MTUS2: variants seen among roughly 807,000 people sequenced by gnomAD.
MTUS2 encodes microtubule associated scaffold protein 2, also known as microtubule-associated tumor suppressor candidate 2.
MTUS2 carries 40 observed loss-of-function variants against 114.1 expected under a neutral mutation model. That is an observed-to-expected ratio of 0.35 (90% CI 0.27 to 0.46). The LOEUF is 0.46. MTUS2 is among the 20% of genes least tolerant of loss of function. The pLI, the probability that MTUS2 is intolerant of heterozygous loss-of-function variation, is 1.00. For synonymous variants in MTUS2, 688 were observed against 672.0 expected, an observed-to-expected ratio of 1.02 and a Z score of -0.37; for missense variants, 1,679 against 1,705.4, an observed-to-expected ratio of 0.98 and a Z score of 0.27.
intron 5 of MTUS2, among the ~76,000 whole-genome samples, chr13:29,204,117 G>A (rs1423970023): frequency 1.3e-5 from 2 of 151,940 alleles, no homozygotes; most frequent in African/African-American, 2.4e-5. Context: ...CCGCCACCAC[G>A]CCTGGCTACT....
intron 2 of MTUS2, among the ~76,000 whole-genome samples, chr13:28,913,043 T>C (rs1468074533): frequency 6.6e-6 from 1 of 152,172 alleles, no homozygotes; most frequent in Non-Finnish European, 1.5e-5. Context: ...AGATATAGGA[T>C]GATGTCATTT....
At chr13:29,158,358 C>CCCCCTTTTT in intron 5 of MTUS2, among the ~76,000 whole-genome samples, 3 of 32,050 alleles carry the variant, frequency 9.4e-5, no homozygotes, top group African/African-American at 4.1e-4. Flanking sequence ...GTCCACCCCG[C>CCCCCTTTTT]TTTTTTTTTT....
chr13:29,088,010 G>C (rs1452126471), intron 4 of MTUS2, among the ~76,000 whole-genome samples: 1 of 147,534 alleles, frequency 6.8e-6, no homozygotes, highest in Non-Finnish European at 1.5e-5. Context: ...AGTGGGCTGA[G>C]ATCATGCCAC....
In MTUS2 at chr13:29,134,747, G is replaced by A. The variant is rs577147039; in HGVS notation, c.2644+33777G>A. Among the ~76,000 whole-genome samples the A allele has an allele frequency of 3.3e-5, 5 of 152,196 alleles. No homozygotes were observed. In the South Asian group the frequency reaches 1.0e-3, roughly 32 times the overall value. ...CGAGTAGCTGGGATTACAGGCATCC[G>A]CCACACACCTGGCTAATTTTTGTAT... On this transcript the variant is annotated intron_variant, in intron 5 of 15. Transcript: ENST00000612955.
At chr13:29,376,784 G>C (rs1019209060) in intron 8 of MTUS2, among the ~76,000 whole-genome samples, 2 of 152,066 alleles carry the variant, frequency 1.3e-5, no homozygotes, top group Non-Finnish European at 1.5e-5. Flanking sequence ...GGTTGCCAAC[G>C]TTATCTAAAC....
intron 8 of MTUS2, among the ~76,000 whole-genome samples, chr13:29,407,396 A>G (rs1338510655): frequency 6.6e-6 from 1 of 152,116 alleles, no homozygotes; most frequent in Non-Finnish European, 1.5e-5. Flanking sequence ...CAAAGTGTGC[A>G]TATAGCTTCC....
intron 2 of MTUS2, among the ~76,000 whole-genome samples, chr13:28,888,525 G>A (rs893129535): frequency 9.9e-5 from 15 of 151,412 alleles, no homozygotes; most frequent in African/African-American, 3.2e-4. Context: ...GGGTTCAAGC[G>A]ATTCTCCTGC....
intron 9 of MTUS2, among the ~76,000 whole-genome samples, chr13:29,444,929 AG>A (rs1479629646): frequency 6.6e-6 from 1 of 152,190 alleles, no homozygotes; most frequent in Non-Finnish European, 1.5e-5. Context: ...TGGGGGACTC[AG>A]TCTTCTCAAG....
intron 2 of MTUS2, among the ~76,000 whole-genome samples, chr13:28,840,683 A>G (rs1875413847): frequency 6.6e-6 from 1 of 152,210 alleles, no homozygotes; most frequent in Non-Finnish European, 1.5e-5. Flanking sequence ...AACCTGAGCA[A>G]CTGGGAAGTT....
chr13:28,988,093 A>G (rs543496964), intron 2 of MTUS2, among the ~76,000 whole-genome samples: 5 of 152,244 alleles, frequency 3.3e-5, no homozygotes, highest in East Asian at 1.9e-4. Context: ...TTTACAGCCA[A>G]TGTTGAAAAG....
chr13:29,307,182 G>A, intron 6 of MTUS2: 1 of 519,284 alleles, frequency 1.9e-6, no homozygotes, highest in Non-Finnish European at 3.6e-6. Flanking sequence ...TGATGGGCGT[G>A]ACCCATGAGA....
chr13:29,094,041 A>G (rs1890074794), intron 4 of MTUS2, among the ~76,000 whole-genome samples: 2 of 152,168 alleles, frequency 1.3e-5, no homozygotes, highest in Non-Finnish European at 2.9e-5. Context: ...CCGATCTTGC[A>G]TTCCTAGCAT....
intron 2 of MTUS2, among the ~76,000 whole-genome samples, chr13:29,015,329 C>G (rs1436847838): frequency 6.6e-6 from 1 of 152,050 alleles, no homozygotes; most frequent in African/African-American, 2.4e-5. Context: ...TCTGATCATT[C>G]TAATTAGGAA....
At chr13:28,982,225 C>T (rs957995996) in intron 2 of MTUS2, among the ~76,000 whole-genome samples, 1 of 151,682 alleles carries the variant, frequency 6.6e-6, no homozygotes, top group Non-Finnish European at 1.5e-5. Context: ...GAGGTGGATG[C>T]GAAAGTCAGC....
intron 7 of MTUS2, among the ~76,000 whole-genome samples, chr13:29,332,049 G>T (rs1317536439): frequency 1.3e-5 from 2 of 152,166 alleles, no homozygotes; most frequent in Non-Finnish European, 2.9e-5. Flanking sequence ...GACAGGTTTT[G>T]ATATCAGGAT....
intron 2 of MTUS2, among the ~76,000 whole-genome samples, chr13:28,902,763 T>C (rs1223034259): frequency 2.6e-5 from 4 of 152,214 alleles, no homozygotes; most frequent in African/African-American, 7.2e-5. Context: ...ATGAGAAATA[T>C]TGATCTGTGG....
chr13:29,311,468 G>T (rs766120344), intron 6 of MTUS2, among the ~76,000 whole-genome samples: 1 of 152,180 alleles, frequency 6.6e-6, no homozygotes, highest in Non-Finnish European at 1.5e-5. Context: ...GAATGAATAT[G>T]TATAATTTGG....
chr13:29,164,694 T>C (rs1893241332), intron 5 of MTUS2, among the ~76,000 whole-genome samples: 1 of 152,176 alleles, frequency 6.6e-6, no homozygotes, highest in African/African-American at 2.4e-5. Context: ...TACAGCATAT[T>C]AAAAAGAGTG....
At chr13:29,223,118 G>A (rs1895972864) in intron 5 of MTUS2, among the ~76,000 whole-genome samples, 1 of 152,178 alleles carries the variant, frequency 6.6e-6, no homozygotes, top group Admixed American at 6.5e-5. Flanking sequence ...TGGGTCCCTA[G>A]TGAAACCCCA....
Sources: gnomAD v4.1 joint callset for allele counts (sites outside exome capture counted in the v4.1 genomes callset) on GRCh38, gnomAD v4.1.1 for gene constraint, MANE v1.5 for transcripts, NCBI Gene and HGNC (gene_info 2026-07-23, HGNC 2026-07-21) for gene names.